The following CSMD1 variants were observed in gnomAD, a reference collection of about 807,000 sequenced individuals.
CSMD1 encodes CUB and Sushi multiple domains 1.
A neutral mutation model predicts 417.5 loss-of-function variants in CSMD1; 213 were observed. The observed-to-expected ratio is 0.51, with a 90% confidence interval of 0.46 to 0.57. The LOEUF (loss-of-function observed/expected upper bound fraction) is 0.57. CSMD1 is among the 20% of genes least tolerant of loss of function. The pLI is 0.00. For missense variants in CSMD1, 6,923 were observed against 4,529.7 expected (o/e 1.53, Z -15.17); for synonymous variants, 2,862 against 1,736.8 (o/e 1.65, Z -16.11).
intron 3 of CSMD1, among the ~76,000 whole-genome samples, chr8:4,376,154 C>T (rs1476381113): frequency 4.6e-5 from 7 of 152,236 alleles, no homozygotes; most frequent in Non-Finnish European, 8.8e-5. Context: ...TATGCTCTAA[C>T]ATCAAGTGTG....
intron 5 of CSMD1, among the ~76,000 whole-genome samples, chr8:3,806,723 A>T (rs769088315): frequency 3.9e-5 from 6 of 152,224 alleles, no homozygotes; most frequent in Non-Finnish European, 8.8e-5. Flanking sequence ...TTTCCATTTT[A>T]GGTATGGAAA....
intron 1 of CSMD1, among the ~76,000 whole-genome samples, chr8:4,981,343 T>G (rs545621914): frequency 1.3e-5 from 2 of 152,216 alleles, no homozygotes; most frequent in African/African-American, 4.8e-5. Context: ...ATTAACTCTC[T>G]AGATTGAAAC....
intron 12 of CSMD1, among the ~76,000 whole-genome samples, chr8:3,466,284 C>A (rs190469983): frequency 2.6e-5 from 4 of 151,912 alleles, no homozygotes; most frequent in East Asian, 3.9e-4. Flanking sequence ...GCAGCAGAAC[C>A]AGTATTCAGG....
chr8:4,602,380 T>A (rs950259733), intron 2 of CSMD1, among the ~76,000 whole-genome samples: 4 of 152,080 alleles, frequency 2.6e-5, no homozygotes, highest in Non-Finnish European at 5.9e-5. Context: ...CCAGGAGAGA[T>A]CCACTATTAA....
chr8:4,425,821 G>A (rs1797516722), intron 2 of CSMD1, among the ~76,000 whole-genome samples: 1 of 151,970 alleles, frequency 6.6e-6, no homozygotes, highest in African/African-American at 2.4e-5. Flanking sequence ...GATGGTCCAG[G>A]GTAGTACGGG....
At chr8:4,427,044 C>G (rs188587974) in intron 2 of CSMD1, among the ~76,000 whole-genome samples, 1 of 151,820 alleles carries the variant, frequency 6.6e-6, no homozygotes. Context: ...CTGGTGTAGA[C>G]GGAACAGCCC....
In CSMD1 at chr8:3,455,322, A is replaced by T. The variant is rs140899991; in HGVS notation, c.1561+13390T>A. Among the ~76,000 whole-genome samples, 1,255 of 152,328 alleles carry T rather than the reference A, an allele frequency of 8.2e-3. 6 individuals carry two copies. Among genetic ancestry groups the T allele is most frequent in the Middle Eastern group, 0.014 (4 of 294 alleles). On this transcript the variant is annotated intron_variant, in intron 12 of 69. Coordinates refer to ENST00000635120, the MANE Select transcript of CSMD1 (RefSeq NM_033225.6). ...CTTCTTCTCTCAACTCATCAAAGTC[A>T]TTCTCTGTCCAACGTTGCTCCATTG... is the stretch of plus-strand genomic sequence containing the variant.
chr8:3,171,603 C>T (rs556345050), intron 37 of CSMD1, among the ~76,000 whole-genome samples: 78 of 152,224 alleles, frequency 5.1e-4, no homozygotes, highest in Non-Finnish European at 8.2e-4. Flanking sequence ...TACTGTAGAA[C>T]AGAGAATTCT....
chr8:4,976,947 T>C (rs571927820), intron 1 of CSMD1, among the ~76,000 whole-genome samples: 1 of 152,196 alleles, frequency 6.6e-6, no homozygotes, highest in African/African-American at 2.4e-5. Flanking sequence ...AGCAGTGGAA[T>C]GAGGGCAGAT....
chr8:4,714,080 G>A (rs1033607932), intron 1 of CSMD1, among the ~76,000 whole-genome samples: 2 of 152,186 alleles, frequency 1.3e-5, no homozygotes, highest in East Asian at 1.9e-4. Flanking sequence ...GGGAGACAGA[G>A]GTTGCAGTGA....
intron 31 of CSMD1, 58 bp from the exon 32 acceptor site, chr8:3,201,783 T>C: frequency 2.0e-6 from 2 of 1,013,324 alleles, no homozygotes; most frequent in South Asian, 3.0e-5. Context: ...AAAATGGAGA[T>C]TTTTGATTTC....
chr8:4,441,205 C>A (rs139621406), intron 2 of CSMD1, among the ~76,000 whole-genome samples: 1 of 141,186 alleles, frequency 7.1e-6, no homozygotes, highest in Non-Finnish European at 1.5e-5. Context: ...ATCAAGCAAT[C>A]CTCGCACGTC....
intron 1 of CSMD1, among the ~76,000 whole-genome samples, chr8:4,681,178 T>C (rs1396831537): frequency 3.3e-5 from 5 of 152,154 alleles, no homozygotes; most frequent in Admixed American, 3.3e-4. Context: ...GAGAAGGTAA[T>C]CTATTTTTGG....
chr8:3,470,103 G>C (rs1184841448), intron 11 of CSMD1, among the ~76,000 whole-genome samples: 2 of 152,048 alleles, frequency 1.3e-5, no homozygotes, highest in South Asian at 4.2e-4. Context: ...ACACCCCAAA[G>C]CCTTCTTGTA....
chr8:4,443,191 G>A (rs188331035), intron 2 of CSMD1, among the ~76,000 whole-genome samples: 17 of 152,262 alleles, frequency 1.1e-4, no homozygotes, highest in Non-Finnish European at 2.4e-4. Context: ...ATATATTACT[G>A]AGTATACAAG....
intron 3 of CSMD1, among the ~76,000 whole-genome samples, chr8:4,241,359 G>T (rs183498649): frequency 6.6e-6 from 1 of 152,074 alleles, no homozygotes; most frequent in African/African-American, 2.4e-5. Flanking sequence ...TCTCACCTTC[G>T]AGTAGCAGGT....
rs35705554 is a variant in CSMD1, at chr8:4,141,061, T to A, written c.416-108962A>T. Among the ~76,000 whole-genome samples the A allele has an allele frequency of 4.0e-5, 6 of 151,100 alleles. No homozygotes were observed. The East Asian group carries it at 1.2e-3, about 29-fold the overall frequency. ...TCATCTATTTAGTTCTAACAAATTA[T>A]AAAATATCCCCCAAATCTACAAACT... On this transcript the variant is annotated intron_variant, in intron 3 of 69. Transcript: ENST00000635120.
rs746854832 is a variant in CSMD1 at position 3,407,931 on chromosome 8, G to A, written c.2039C>T (p.Thr680Ile). The change falls in exon 14 of 70, where the codon ACT becomes ATT. Residue 680 changes from threonine (T) to isoleucine (I), a missense_variant. Coordinates refer to ENST00000635120, the MANE Select transcript of CSMD1 (RefSeq NM_033225.6). ...VRLEFQSDHS[T>I]TGRGFNITYT... ...AGTGATGTTGAACCCTCTGCCAGTA[G>A]TGGAATGGTCAGACTGAAATTCCAA... 5 of 1,612,944 alleles carry A rather than the reference G, an allele frequency of 3.1e-6. No homozygotes were observed. The highest frequency in any genetic ancestry group is 4.2e-6 in the Non-Finnish European group (5 of 1,179,252).
intron 3 of CSMD1, among the ~76,000 whole-genome samples, chr8:4,097,661 G>A (rs1801091053): frequency 6.6e-6 from 1 of 152,150 alleles, no homozygotes; most frequent in Non-Finnish European, 1.5e-5. Flanking sequence ...TTTAAAAGAT[G>A]TTCTTGTTTA....
Sources: gnomAD v4.1 joint callset for allele counts (sites outside exome capture counted in the v4.1 genomes callset) on GRCh38, gnomAD v4.1.1 for gene constraint, MANE v1.5 for transcripts, NCBI Gene and HGNC (gene_info 2026-07-23, HGNC 2026-07-21) for gene names.